The following ATXN7 variants were observed in gnomAD, a reference collection of about 807,000 sequenced individuals.
The protein encoded by ATXN7 is ataxin 7.
Under a neutral mutation model 70.5 loss-of-function variants are expected in ATXN7, and 12 were observed. The observed-to-expected ratio is 0.17, with a 90% CI of 0.11 to 0.28. ATXN7 has a LOEUF of 0.28. Ranked by LOEUF, ATXN7 falls within the 10% of genes least tolerant of loss-of-function variation. The pLI, the probability that ATXN7 is intolerant of heterozygous loss-of-function variation, is 1.00. For missense variants in ATXN7, 1,256 were observed against 1,131.7 expected, an observed-to-expected ratio of 1.11 and a Z score of -1.58; for synonymous variants, 498 against 448.7, an observed-to-expected ratio of 1.11 and a Z score of -1.39.
At chr3:63,953,600 A>T (rs2074990450) in intron 5 of ATXN7, among the ~76,000 whole-genome samples, 1 of 151,938 alleles carries the variant, frequency 6.6e-6, no homozygotes, top group East Asian at 1.9e-4. Context: ...ATGACACCGG[A>T]CTGAGAGTAA....
intron 2 of ATXN7, among the ~76,000 whole-genome samples, chr3:63,898,749 T>C (rs771088855): frequency 2.4e-4 from 36 of 152,216 alleles, no homozygotes; most frequent in Non-Finnish European, 4.3e-4. Context: ...TTTGTTAAAA[T>C]TGCAGGAAGA....
At chr3:63,930,686 G>A (rs1037544426) in intron 4 of ATXN7, among the ~76,000 whole-genome samples, 9 of 151,942 alleles carry the variant, frequency 5.9e-5, no homozygotes, top group African/African-American at 1.7e-4. Context: ...CCACGACCAC[G>A]CCCGGCTAAT....
chr3:63,868,885 T>C (rs1355707826), intron 1 of ATXN7, among the ~76,000 whole-genome samples: 4 of 152,240 alleles, frequency 2.6e-5, no homozygotes, highest in African/African-American at 9.6e-5. Flanking sequence ...GTTACACTTA[T>C]AACTTTAGTT....
chr3:63,933,738 A>G (rs1187279054), intron 4 of ATXN7, among the ~76,000 whole-genome samples: 2 of 152,172 alleles, frequency 1.3e-5, no homozygotes, highest in Non-Finnish European at 2.9e-5. Flanking sequence ...ATCCCTCTCA[A>G]TTAAGTGGTA....
intron 11 of ATXN7, among the ~76,000 whole-genome samples, chr3:63,991,337 C>G (rs2075669141): frequency 7.9e-6 from 1 of 126,102 alleles, no homozygotes; most frequent in Admixed American, 1.0e-4. Context: ...GATGACAAAA[C>G]TGAGATACAG....
chr3:63,894,727 C>T (rs1013014397), intron 1 of ATXN7, among the ~76,000 whole-genome samples: 4 of 152,080 alleles, frequency 2.6e-5, no homozygotes, highest in Non-Finnish European at 4.4e-5. Context: ...GCGTCTCACC[C>T]TTCCTCAAGC....
chr3:63,958,502 A>G (rs539082001), intron 5 of ATXN7, among the ~76,000 whole-genome samples: 1 of 152,300 alleles, frequency 6.6e-6, no homozygotes, highest in South Asian at 2.1e-4. Context: ...GCCATCGTAT[A>G]ATTATCTTGC....
chr3:63,923,748 T>C (rs1248742248), intron 4 of ATXN7, among the ~76,000 whole-genome samples: 1 of 152,070 alleles, frequency 6.6e-6, no homozygotes, highest in Non-Finnish European at 1.5e-5. Context: ...GAGCTGTGAT[T>C]GCGCATACTG....
chr3:63,984,049 A>G (rs1220708597), intron 8 of ATXN7, among the ~76,000 whole-genome samples: 1 of 152,162 alleles, frequency 6.6e-6, no homozygotes, highest in Non-Finnish European at 1.5e-5. Flanking sequence ...TGCCCCAGCC[A>G]GTGGAGGCAT....
At chr3:63,969,247 C>G (rs749941591) in intron 5 of ATXN7, among the ~76,000 whole-genome samples, 5 of 152,050 alleles carry the variant, frequency 3.3e-5, no homozygotes, top group Non-Finnish European at 7.4e-5. Flanking sequence ...TTTCTTATTT[C>G]CATGTTCTGG....
At chr3:63,933,864 A>C (rs902514967) in intron 4 of ATXN7, among the ~76,000 whole-genome samples, 3 of 151,632 alleles carry the variant, frequency 2.0e-5, no homozygotes, top group African/African-American at 7.3e-5. Context: ...TTGATGCTTC[A>C]TAACTGTCGT....
intron 4 of ATXN7, among the ~76,000 whole-genome samples, chr3:63,927,179 A>G (rs1704751981): frequency 6.6e-6 from 1 of 152,208 alleles, no homozygotes; most frequent in Non-Finnish European, 1.5e-5. Flanking sequence ...GTATATACCT[A>G]GTAATGGGAC....
intron 1 of ATXN7, among the ~76,000 whole-genome samples, chr3:63,889,122 C>A (rs530242106): frequency 6.6e-6 from 1 of 152,136 alleles, no homozygotes; most frequent in South Asian, 2.1e-4. Flanking sequence ...CAGCTAAAGT[C>A]GAATATGCCG....
chr3:63,909,588 A>T lies in ATXN7; in HGVS notation c.-11-3000A>T, dbSNP rs571705732. 3.3e-5 allele frequency among the ~76,000 whole-genome samples: 5 copies of T among 152,320 alleles called. No individual in the cohort carries two copies. The East Asian group carries it at 9.6e-4, about 29-fold the overall frequency. On this transcript the variant is annotated intron_variant, in intron 2 of 12. Transcript: ENST00000674280. The stretch of plus-strand genomic sequence containing the variant: ...ATAAACAGTATGCTTTGCATAAGGA[A>T]TGCTTTTAAAAGTTGCCAAAATTCA...
intron 1 of ATXN7, chr3:63,873,754 A>C (rs1423842334): frequency 2.0e-5 from 3 of 152,168 alleles, no homozygotes; most frequent in Admixed American, 1.3e-4. Context: ...CCTAGGCTGG[A>C]GCGCAGTGGC....
chr3:63,873,226 A>G (rs940193494), intron 1 of ATXN7, among the ~76,000 whole-genome samples: 1 of 152,234 alleles, frequency 6.6e-6, no homozygotes, highest in Non-Finnish European at 1.5e-5. Flanking sequence ...CTAATCAGCC[A>G]GAGATCTTTG....
At chr3:63,990,919 A>G (rs1007314889) in intron 11 of ATXN7, 60 bp downstream of exon 11, 27 of 1,606,300 alleles carry the variant, frequency 1.7e-5, no homozygotes, top group South Asian at 1.1e-4. Context: ...ATTGTCTTTT[A>G]TTTCCTGTGA....
rs1199107011 is a variant in ATXN7, at chr3:63,884,681, C to T, written c.-110-13718C>T. 4.6e-5 allele frequency among the ~76,000 whole-genome samples: 7 copies of T among 151,710 alleles called. No homozygotes were observed. The South Asian group carries it at 1.5e-3, about 32-fold the overall frequency. On this transcript the variant is annotated intron_variant, in intron 1 of 12. Transcript: ENST00000674280. ...TTTTTTTGGGGGGGATCAGGTTCTC[C>T]ATCTGTCACCCAGGCTGGAGTGCAG...
intron 4 of ATXN7, among the ~76,000 whole-genome samples, chr3:63,916,592 A>G (rs1024095997): frequency 5.9e-5 from 9 of 152,076 alleles, no homozygotes; most frequent in Admixed American, 5.9e-4. Context: ...GATGGAGGGA[A>G]ATTATTTGTG....
Sources: allele counts gnomAD v4.1 joint callset (sites outside exome capture counted in the v4.1 genomes callset), GRCh38; gene constraint gnomAD v4.1.1; transcripts MANE v1.5; gene names NCBI Gene and HGNC (gene_info 2026-07-23, HGNC 2026-07-21).